DLGAP4: variants seen among roughly 807,000 people sequenced by gnomAD.
The protein encoded by DLGAP4 is disks large-associated protein 4.
Under a neutral mutation model 86.9 loss-of-function variants are expected in DLGAP4, and 18 were observed. The observed-to-expected ratio is 0.21, with a 90% confidence interval of 0.14 to 0.31. DLGAP4 has a LOEUF of 0.31. Ranked by LOEUF, DLGAP4 falls within the 10% of genes least tolerant of loss-of-function variation. The pLI, the probability that DLGAP4 is intolerant of heterozygous loss-of-function variation, is 1.00. For synonymous variants in DLGAP4, 548 were observed against 574.3 expected, an observed-to-expected ratio of 0.95 and a Z score of 0.65; for missense variants, 1,085 against 1,362.6, an observed-to-expected ratio of 0.80 and a Z score of 3.21.
At chr20:36,387,097 T>C (rs1323141834) in intron 2 of DLGAP4, among the ~76,000 whole-genome samples, 4 of 152,236 alleles carry the variant, frequency 2.6e-5, no homozygotes, top group Non-Finnish European at 4.4e-5. Flanking sequence ...TAATAAACAC[T>C]GCTAAAGTGC....
At chr20:36,402,480 G>T (rs2032190851) in intron 2 of DLGAP4, among the ~76,000 whole-genome samples, 1 of 152,156 alleles carries the variant, frequency 6.6e-6, no homozygotes, top group Admixed American at 6.5e-5. Context: ...TCAGGCAGTG[G>T]CTCATGCCTG....
chr20:36,392,881 G>A (rs965415518), intron 2 of DLGAP4, among the ~76,000 whole-genome samples: 3 of 152,138 alleles, frequency 2.0e-5, no homozygotes, highest in African/African-American at 2.4e-5. Context: ...GAGGAAGGGG[G>A]TGAGAGAGGT....
intron 1 of DLGAP4, among the ~76,000 whole-genome samples, chr20:36,328,072 G>A (rs2065233765): frequency 1.3e-5 from 2 of 151,782 alleles, no homozygotes; most frequent in Admixed American, 6.6e-5. Flanking sequence ...GGTGGTACAC[G>A]CCTGTAATCC....
intron 2 of DLGAP4, among the ~76,000 whole-genome samples, chr20:36,383,659 G>A (rs978531357): frequency 6.6e-6 from 1 of 152,046 alleles, no homozygotes; most frequent in Non-Finnish European, 1.5e-5. Context: ...CTGGTCTCTG[G>A]AATGAAAGAG....
At chr20:36,525,440 T>TG (rs2037690314) in intron 11 of DLGAP4, 2 of 252,342 alleles carry the variant, frequency 7.9e-6, no homozygotes, top group South Asian at 1.1e-4. Context: ...ACTTGGGGGT[T>TG]GCGTTGTCAT....
chr20:36,470,065 C>T (rs1386186196), intron 7 of DLGAP4, among the ~76,000 whole-genome samples: 1 of 152,090 alleles, frequency 6.6e-6, no homozygotes, highest in African/African-American at 2.4e-5. Context: ...TGGCCCAGCC[C>T]CTTCCTTTCC....
intron 1 of DLGAP4, among the ~76,000 whole-genome samples, chr20:36,323,789 G>A (rs1391625301): frequency 1.3e-5 from 2 of 152,240 alleles, no homozygotes; most frequent in Admixed American, 6.5e-5. Flanking sequence ...TAAGGGGCAT[G>A]TAACCTAGAT....
At chr20:36,462,696 A>G (rs1221404118) in intron 7 of DLGAP4, 14 of 1,472,168 alleles carry the variant, frequency 9.5e-6, no homozygotes, top group African/African-American at 1.5e-5. Flanking sequence ...GGCTGGCGCT[A>G]GGGCAAGGGG....
At chr20:36,317,253 T>TTC (rs1253568430) in intron 1 of DLGAP4, among the ~76,000 whole-genome samples, 1 of 58,298 alleles carries the variant, frequency 1.7e-5, no homozygotes, top group African/African-American at 1.0e-4. Context: ...CTTTCTTTCT[T>TTC]TCTTTCTTTC....
chr20:36,473,795 C>T (rs1230383670), intron 7 of DLGAP4, among the ~76,000 whole-genome samples: 2 of 152,288 alleles, frequency 1.3e-5, no homozygotes, highest in East Asian at 1.9e-4. Flanking sequence ...TGCACAGTCA[C>T]AGGGTCCCTA....
intron 1 of DLGAP4, among the ~76,000 whole-genome samples, chr20:36,324,953 AT>A (rs1355965442): frequency 2.0e-5 from 3 of 150,960 alleles, no homozygotes; most frequent in Non-Finnish European, 4.4e-5. Flanking sequence ...TCTTTTATTG[AT>A]TTGCTGTTCT....
intron 7 of DLGAP4, among the ~76,000 whole-genome samples, chr20:36,477,460 T>C (rs764026272): frequency 2.6e-5 from 4 of 152,224 alleles, no homozygotes; most frequent in Non-Finnish European, 5.9e-5. Flanking sequence ...GCAGAATTGC[T>C]AAGGGACTGA....
intron 11 of DLGAP4, 21 bp from the exon 12 acceptor site, chr20:36,525,830 T>C (rs2037723182): frequency 1.2e-6 from 2 of 1,611,356 alleles, no homozygotes; most frequent in Non-Finnish European, 1.7e-6. Context: ...CTGGCCCCAC[T>C]GATCCCCATC....
intron 10 of DLGAP4, among the ~76,000 whole-genome samples, chr20:36,509,260 T>C (rs983231107): frequency 6.6e-6 from 1 of 152,002 alleles, no homozygotes; most frequent in African/African-American, 2.4e-5. Flanking sequence ...TCATGTCTAC[T>C]ACAAATGAAA....
intron 7 of DLGAP4, among the ~76,000 whole-genome samples, chr20:36,481,904 T>C (rs1034390593): frequency 5.3e-5 from 8 of 152,172 alleles, no homozygotes; most frequent in Non-Finnish European, 1.0e-4. Context: ...CACTAAGCCA[T>C]TTTTCCACAT....
intron 10 of DLGAP4, among the ~76,000 whole-genome samples, chr20:36,517,581 T>C (rs2037121195): frequency 6.6e-6 from 1 of 152,070 alleles, no homozygotes; most frequent in Non-Finnish European, 1.5e-5. Context: ...AGTTTCTTAA[T>C]GTTTTGAAAA....
chr20:36,374,112 T>G (rs1024040835), intron 2 of DLGAP4, among the ~76,000 whole-genome samples: 2 of 151,870 alleles, frequency 1.3e-5, no homozygotes, highest in Non-Finnish European at 2.9e-5. Context: ...TGAGGCAGCC[T>G]TCGACTTTCC....
At chr20:36,422,035 T>A (rs896432622) in intron 2 of DLGAP4, among the ~76,000 whole-genome samples, 1 of 152,070 alleles carries the variant, frequency 6.6e-6, no homozygotes, top group African/African-American at 2.4e-5. Flanking sequence ...GGAGCAGGTA[T>A]GAGAGATGTG....
intron 2 of DLGAP4, among the ~76,000 whole-genome samples, chr20:36,376,894 G>T (rs928193670): frequency 2.6e-5 from 4 of 152,218 alleles, no homozygotes; most frequent in African/African-American, 9.7e-5. Flanking sequence ...GTCAAGGGCA[G>T]GTTCTCCACG....
Sources: allele counts gnomAD v4.1 joint callset (sites outside exome capture counted in the v4.1 genomes callset), GRCh38; gene constraint gnomAD v4.1.1; transcripts MANE v1.5; gene names NCBI Gene and HGNC (gene_info 2026-07-23, HGNC 2026-07-21).